The following TPH2 variants were observed in gnomAD, a reference collection of about 807,000 sequenced individuals.
TPH2 encodes tryptophan hydroxylase 2, also known as tryptophan 5-hydroxylase 2.
TPH2 carries 27 observed loss-of-function variants against 59.1 expected under a neutral mutation model. That is an observed-to-expected ratio of 0.46 (90% confidence interval 0.34 to 0.63). The LOEUF (loss-of-function observed/expected upper bound fraction) is 0.63, where lower values mean the gene tolerates loss of function less well. Among genes scored for constraint, TPH2 ranks in the 30% least tolerant of loss-of-function variants. The pLI is 0.01. For synonymous variants in TPH2, 220 were observed against 210.5 expected, an observed-to-expected ratio of 1.05 and a Z score of -0.39; for missense variants, 523 against 588.3, an observed-to-expected ratio of 0.89 and a Z score of 1.15.
chr12:71,941,453 A>T, intron 1 of TPH2, 131 bp from the exon 2 acceptor site: 1 of 1,141,618 alleles, frequency 8.8e-7, no homozygotes, highest in Non-Finnish European at 1.2e-6. Flanking sequence ...TGACACGGCA[A>T]CTTCACCTTA....
intron 5 of TPH2, among the ~76,000 whole-genome samples, chr12:71,954,716 A>G (rs1871445753): frequency 6.6e-6 from 1 of 152,184 alleles, no homozygotes; most frequent in Non-Finnish European, 1.5e-5. Context: ...CTTCACAATT[A>G]CTATATTGTT....
At chr12:71,995,212 T>C (rs1012488863) in intron 8 of TPH2, among the ~76,000 whole-genome samples, 2 of 151,958 alleles carry the variant, frequency 1.3e-5, no homozygotes, top group African/African-American at 4.8e-5. Flanking sequence ...AAACAAGCAA[T>C]ATGAGAGAAA....
intron 9 of TPH2, among the ~76,000 whole-genome samples, chr12:72,030,779 C>G (rs1047339329): frequency 2.0e-5 from 3 of 152,090 alleles, no homozygotes; most frequent in Non-Finnish European, 4.4e-5. Context: ...CAAAATATCT[C>G]CCAATGAATA....
At chr12:71,990,090 G>A (rs1229631562) in intron 7 of TPH2, among the ~76,000 whole-genome samples, 9 of 152,114 alleles carry the variant, frequency 5.9e-5, no homozygotes, top group African/African-American at 2.2e-4. Flanking sequence ...ATGTATCAAA[G>A]GGATGGGAGT....
chr12:71,973,401 A>G (rs1217411727), intron 6 of TPH2, among the ~76,000 whole-genome samples: 1 of 152,164 alleles, frequency 6.6e-6, no homozygotes, highest in Non-Finnish European at 1.5e-5. Context: ...GTTATACACT[A>G]ATCATAAGGC....
At chr12:72,024,827 G>A (rs936563303) in intron 9 of TPH2, among the ~76,000 whole-genome samples, 6 of 152,132 alleles carry the variant, frequency 3.9e-5, no homozygotes, top group African/African-American at 1.2e-4. Flanking sequence ...ACCAAGAAGG[G>A]CATTGTTCAC....
chr12:72,023,825 A>AAAAAAAAAAAG (rs1555215110), intron 9 of TPH2, among the ~76,000 whole-genome samples: 37 of 56,234 alleles, frequency 6.6e-4, no homozygotes, highest in African/African-American at 1.7e-3. Context: ...CTGACAGAAA[A>AAAAAAAAAAAG]AAAAAAAAAA....
intron 5 of TPH2, among the ~76,000 whole-genome samples, chr12:71,967,236 C>T (rs181960190): frequency 6.6e-6 from 1 of 152,212 alleles, no homozygotes; most frequent in African/African-American, 2.4e-5. Flanking sequence ...TCCTTCTTCT[C>T]TGCAGGCACA....
At chr12:72,031,439 C>G (rs1376371772) in intron 10 of TPH2, 48 bp downstream of exon 10, 2 of 1,612,780 alleles carry the variant, frequency 1.2e-6, no homozygotes, top group South Asian at 2.2e-5. Flanking sequence ...TTTTATTTTT[C>G]TGTCTCTATT....
At chr12:71,978,853 T>G in intron 6 of TPH2, 99 bp from the exon 7 acceptor site, 1 of 1,482,924 alleles carries the variant, frequency 6.7e-7, no homozygotes, top group Non-Finnish European at 9.4e-7. Context: ...CTTGATTACT[T>G]TGTTTCTGGA....
intron 8 of TPH2, among the ~76,000 whole-genome samples, chr12:72,003,845 T>C (rs1872884150): frequency 6.6e-6 from 1 of 152,206 alleles, no homozygotes; most frequent in Non-Finnish European, 1.5e-5. Flanking sequence ...AACTCAAATC[T>C]TTCTTTGTTA....
intron 8 of TPH2, among the ~76,000 whole-genome samples, chr12:71,998,415 T>A (rs1020294744): frequency 6.6e-6 from 1 of 152,054 alleles, no homozygotes; most frequent in Admixed American, 6.6e-5. Flanking sequence ...CCTGAAATGA[T>A]ACTAAAACTG....
At position 72,032,086 on chromosome 12, in the gene TPH2, C is replaced by A. The variant is rs1873739005; in HGVS notation, c.*391C>A. ...GATAAAATGAAAAAAAGCAGTGAAG[C>A]TGTTTCCATTTTCAATAGTATCAGT... is the stretch of plus-strand genomic sequence containing the variant. On this transcript the variant is annotated 3_prime_UTR_variant, in exon 11 of 11. Coordinates refer to ENST00000333850, the MANE Select transcript of TPH2 (RefSeq NM_173353.4). The A allele has an allele frequency of 4.4e-6, 1 of 227,736 alleles. No homozygotes were observed. Among genetic ancestry groups the A allele is most frequent in the Admixed American group, 5.1e-5 (1 of 19,502 alleles). The allele number at this position is 227,736 out of a possible 1,614,324, so 14.1% of individuals were successfully genotyped here. A position where few individuals can be genotyped will look rare whatever the true frequency, so the allele number is the denominator to read the frequency against.
At chr12:71,956,239 T>C in intron 5 of TPH2, among the ~76,000 whole-genome samples, 1 of 152,256 alleles carries the variant, frequency 6.6e-6, no homozygotes. Flanking sequence ...TAACCTAGCA[T>C]TGGAAGTGAC....
At chr12:72,030,268 T>G (rs574300738) in intron 9 of TPH2, among the ~76,000 whole-genome samples, 1 of 152,308 alleles carries the variant, frequency 6.6e-6, no homozygotes, top group East Asian at 1.9e-4. Flanking sequence ...ACCACTTATA[T>G]TGGAGTCAAC....
At chr12:71,994,163 C>T (rs998793319) in intron 7 of TPH2, among the ~76,000 whole-genome samples, 1 of 152,190 alleles carries the variant, frequency 6.6e-6, no homozygotes, top group African/African-American at 2.4e-5. Flanking sequence ...TACAATAAAA[C>T]ACTTACCATG....
intron 8 of TPH2, among the ~76,000 whole-genome samples, chr12:72,007,236 G>A (rs1872978748): frequency 6.6e-6 from 1 of 152,116 alleles, no homozygotes; most frequent in African/African-American, 2.4e-5. Flanking sequence ...CTTCCCCTGA[G>A]TGAATAGCAC....
intron 8 of TPH2, among the ~76,000 whole-genome samples, chr12:72,018,579 A>G (rs1835638088): frequency 6.6e-6 from 1 of 152,128 alleles, no homozygotes; most frequent in East Asian, 1.9e-4. Context: ...TAATAGGCTG[A>G]CCCAAACGCT....
At chr12:71,964,922 T>A in intron 5 of TPH2, 1 of 188,698 alleles carries the variant, frequency 5.3e-6, no homozygotes, top group Non-Finnish European at 9.9e-6. Context: ...ACTTTCCTGC[T>A]CCTCACCCTC....
Sources: allele counts gnomAD v4.1 joint callset (sites outside exome capture counted in the v4.1 genomes callset), GRCh38; gene constraint gnomAD v4.1.1; transcripts MANE v1.5; gene names NCBI Gene and HGNC (gene_info 2026-07-23, HGNC 2026-07-21).